Variants in SLC24A2 observed in about 807,000 individuals in gnomAD.
SLC24A2 encodes solute carrier family 24 member 2, also known as sodium/potassium/calcium exchanger 2.
Under a neutral mutation model 62.0 loss-of-function variants are expected in SLC24A2, and 36 were observed. The ratio of observed to expected loss-of-function variants is 0.58; its 90% CI spans 0.44 to 0.77. The LOEUF (loss-of-function observed/expected upper bound fraction) is 0.77, where lower values mean the gene tolerates loss of function less well. Ranked by LOEUF, SLC24A2 falls within the 30% of genes least tolerant of loss-of-function variation. The pLI, the probability that SLC24A2 is intolerant of heterozygous loss-of-function variation, is 0.00. For missense variants in SLC24A2, 846 were observed against 817.9 expected (o/e 1.03, Z -0.42); for synonymous variants, 358 against 294.0 (o/e 1.22, Z -2.23).
intron 7 of SLC24A2, among the ~76,000 whole-genome samples, chr9:19,567,652 A>G (rs1443025613): frequency 6.6e-6 from 1 of 151,254 alleles, no homozygotes; most frequent in Non-Finnish European, 1.5e-5. Flanking sequence ...TATACCATAA[A>G]CCATACTAAG....
intron 2 of SLC24A2, among the ~76,000 whole-genome samples, chr9:19,697,699 C>G (rs1011452679): frequency 7.9e-5 from 12 of 152,178 alleles, no homozygotes; most frequent in Non-Finnish European, 1.3e-4. Flanking sequence ...ATACATTTAG[C>G]AGGTTAAAAT....
chr9:19,680,041 T>C (rs887031490), intron 2 of SLC24A2, among the ~76,000 whole-genome samples: 1 of 152,132 alleles, frequency 6.6e-6, no homozygotes, highest in African/African-American at 2.4e-5. Context: ...CTCTTCCAAC[T>C]AAACATGAAT....
the SLC24A2 span, among the ~76,000 whole-genome samples, chr9:20,072,074 C>T: frequency 1.3e-5 from 2 of 152,102 alleles, no homozygotes; most frequent in Non-Finnish European, 2.9e-5. Flanking sequence ...CTTTACCTTT[C>T]TGCCAGCCTC....
chr9:20,253,723 A>G, the SLC24A2 span, among the ~76,000 whole-genome samples: 1 of 152,204 alleles, frequency 6.6e-6, no homozygotes, highest in Non-Finnish European at 1.5e-5. Flanking sequence ...GTGATCCAGT[A>G]GCAGAGAGAT....
At chr9:20,142,841 C>G in the SLC24A2 span, among the ~76,000 whole-genome samples, 1 of 152,140 alleles carries the variant, frequency 6.6e-6, no homozygotes, top group African/African-American at 2.4e-5. Context: ...AGTTATCCAC[C>G]CACCTTGGCT....
chr9:20,276,647 C>T, the SLC24A2 span, among the ~76,000 whole-genome samples: 13 of 152,242 alleles, frequency 8.5e-5, no homozygotes, highest in Non-Finnish European at 1.3e-4. Context: ...CTTCACATTT[C>T]CCTTCCACAC....
intron 7 of SLC24A2, among the ~76,000 whole-genome samples, chr9:19,567,428 C>T (rs1586974214): frequency 6.6e-6 from 1 of 151,040 alleles, no homozygotes; most frequent in Non-Finnish European, 1.5e-5. Flanking sequence ...CGCCTGTAGT[C>T]CCAGCTACTT....
the SLC24A2 span, among the ~76,000 whole-genome samples, chr9:20,095,613 G>A: frequency 1.3e-5 from 2 of 152,060 alleles, no homozygotes; most frequent in Non-Finnish European, 2.9e-5. Flanking sequence ...TGGTTGAACA[G>A]CTCACTGACT....
the SLC24A2 span, among the ~76,000 whole-genome samples, chr9:19,820,530 T>A: frequency 1.3e-5 from 2 of 151,140 alleles, no homozygotes; most frequent in African/African-American, 4.8e-5. Flanking sequence ...AATAAAAAGT[T>A]TTAAAAAATA....
chr9:19,784,207 C>T (rs1012421749), intron 2 of SLC24A2, among the ~76,000 whole-genome samples: 1 of 152,090 alleles, frequency 6.6e-6, no homozygotes, highest in Non-Finnish European at 1.5e-5. Flanking sequence ...AGTCTATAAA[C>T]CTATATTTGG....
At chr9:19,571,196 A>G (rs1407325851) in intron 7 of SLC24A2, among the ~76,000 whole-genome samples, 3 of 152,198 alleles carry the variant, frequency 2.0e-5, no homozygotes, top group Non-Finnish European at 4.4e-5. Context: ...CCATGTGGAC[A>G]TAAGCTGCTC....
chr9:19,848,747 A>G, the SLC24A2 span, among the ~76,000 whole-genome samples: 1 of 152,218 alleles, frequency 6.6e-6, no homozygotes. Flanking sequence ...TTCTAACCAC[A>G]AAAGATTGTT....
chr9:20,299,440 C>G, the SLC24A2 span, among the ~76,000 whole-genome samples: 5 of 152,168 alleles, frequency 3.3e-5, no homozygotes, highest in Non-Finnish European at 7.3e-5. Context: ...CAGGAAGAAG[C>G]CAAAGCAGCA....
the SLC24A2 span, among the ~76,000 whole-genome samples, chr9:20,191,071 T>G: frequency 6.6e-6 from 1 of 152,110 alleles, no homozygotes; most frequent in Non-Finnish European, 1.5e-5. Context: ...TTATTTCCCC[T>G]GCAGCAAAAA....
chr9:19,705,900 G>C (rs1221532779), intron 2 of SLC24A2, among the ~76,000 whole-genome samples: 4 of 152,078 alleles, frequency 2.6e-5, no homozygotes, highest in African/African-American at 9.7e-5. Flanking sequence ...TGAAAAGAAT[G>C]TATATTCTGT....
At chr9:20,197,799 C>A in the SLC24A2 span, among the ~76,000 whole-genome samples, 1 of 152,014 alleles carries the variant, frequency 6.6e-6, no homozygotes, top group Non-Finnish European at 1.5e-5. Context: ...AAACCAAAAG[C>A]CAGACCATCA....
chr9:20,268,696 A>T, the SLC24A2 span, among the ~76,000 whole-genome samples: 35 of 152,328 alleles, frequency 2.3e-4, no homozygotes, highest in African/African-American at 8.2e-4. Context: ...TGTTATAAGC[A>T]ACAGAAAACA....
chr9:19,533,874 A>G (rs2383100), intron 8 of SLC24A2, among the ~76,000 whole-genome samples: 122,531 of 152,212 alleles, frequency 0.81, 49,701 homozygotes, highest in East Asian at 1. Flanking sequence ...ATTTGTGTCA[A>G]CTGGCATGGT....
At chr9:19,594,381 C>T (rs1475551753) in intron 5 of SLC24A2, among the ~76,000 whole-genome samples, 2 of 152,146 alleles carry the variant, frequency 1.3e-5, no homozygotes, top group South Asian at 2.1e-4. Context: ...GCACAATTCT[C>T]TATATTTAGA....
Sources: gnomAD v4.1 joint callset for allele counts (sites outside exome capture counted in the v4.1 genomes callset) on GRCh38, gnomAD v4.1.1 for gene constraint, MANE v1.5 for transcripts, NCBI Gene and HGNC (gene_info 2026-07-23, HGNC 2026-07-21) for gene names.